GAS2: variants seen among roughly 807,000 people sequenced by gnomAD.
The protein encoded by GAS2 is growth arrest specific 2, also known as growth arrest-specific protein 2.
In GAS2, 20 loss-of-function variants were observed where a neutral mutation model predicts 37.5. The observed-to-expected ratio is 0.53, with a 90% CI of 0.37 to 0.77. The LOEUF (loss-of-function observed/expected upper bound fraction) is 0.77, where lower values mean the gene tolerates loss of function less well. Ranked by LOEUF, GAS2 falls within the 30% of genes least tolerant of loss-of-function variation. The pLI is 0.00. For synonymous variants in GAS2, 144 were observed against 132.2 expected, an observed-to-expected ratio of 1.09 and a Z score of -0.61; for missense variants, 336 against 373.4, an observed-to-expected ratio of 0.90 and a Z score of 0.82.
intron 3 of GAS2, among the ~76,000 whole-genome samples, chr11:22,694,694 A>T (rs58392543): frequency 0.039 from 5,920 of 152,214 alleles, 343 homozygotes; most frequent in African/African-American, 0.13. Context: ...AATCTAGCAA[A>T]CTTTAATAGG....
chr11:22,773,478 C>T (rs377536471), intron 7 of GAS2, among the ~76,000 whole-genome samples: 22 of 150,134 alleles, frequency 1.5e-4, no homozygotes, highest in African/African-American at 5.4e-4. Flanking sequence ...ACTGCAAGCT[C>T]CGCCTCCCGG....
intron 1 of GAS2, among the ~76,000 whole-genome samples, chr11:22,636,346 A>C (rs1858821014): frequency 6.6e-6 from 1 of 152,140 alleles, no homozygotes; most frequent in South Asian, 2.1e-4. Context: ...GCTTTCACAA[A>C]CAACCTACCT....
intron 3 of GAS2, among the ~76,000 whole-genome samples, chr11:22,715,130 A>T (rs1393877995): frequency 6.6e-6 from 1 of 152,234 alleles, no homozygotes; most frequent in African/African-American, 2.4e-5. Flanking sequence ...AGATTAACCA[A>T]GAAAAGAAGA....
chr11:22,781,683 TG>T (rs1855561590), intron 7 of GAS2, among the ~76,000 whole-genome samples: 1 of 152,146 alleles, frequency 6.6e-6, no homozygotes, highest in Admixed American at 6.5e-5. Context: ...AAAGATAATG[TG>T]GGTAAACTCC....
chr11:22,789,716 T>C (rs886207515), intron 7 of GAS2, among the ~76,000 whole-genome samples: 10 of 151,648 alleles, frequency 6.6e-5, no homozygotes, highest in African/African-American at 1.4e-4. Context: ...CCGCCCGCCT[T>C]GGCCTCCCAA....
At chr11:22,793,980 G>C (rs1051713841) in intron 7 of GAS2, among the ~76,000 whole-genome samples, 3 of 152,000 alleles carry the variant, frequency 2.0e-5, no homozygotes. Flanking sequence ...TGGGGGAGGG[G>C]AATAAGATCA....
chr11:22,752,498 A>G (rs897130893), intron 6 of GAS2, among the ~76,000 whole-genome samples: 3 of 152,040 alleles, frequency 2.0e-5, no homozygotes, highest in Non-Finnish European at 2.9e-5. Context: ...TGAGGCACAT[A>G]TAGCAGTTCG....
At chr11:22,780,709 C>T (rs1331800305) in intron 7 of GAS2, among the ~76,000 whole-genome samples, 2 of 151,944 alleles carry the variant, frequency 1.3e-5, no homozygotes, top group Admixed American at 1.3e-4. Flanking sequence ...CCCACAGACT[C>T]AGTTACTCCA....
At chr11:22,735,314 A>G (rs1852696154) in intron 4 of GAS2, among the ~76,000 whole-genome samples, 1 of 149,356 alleles carries the variant, frequency 6.7e-6, no homozygotes, top group African/African-American at 2.5e-5. Context: ...AATATTACAG[A>G]TGTGCTTTAA....
intron 3 of GAS2, among the ~76,000 whole-genome samples, chr11:22,713,237 G>A (rs1851499401): frequency 6.6e-6 from 1 of 151,556 alleles, no homozygotes; most frequent in Non-Finnish European, 1.5e-5. Context: ...TTCAACAATA[G>A]AATCAAACAA....
chr11:22,641,436 G>T (rs949246685), intron 1 of GAS2, among the ~76,000 whole-genome samples: 76 of 150,756 alleles, frequency 5.0e-4, no homozygotes, highest in African/African-American at 1.7e-3. Context: ...CCATGTTGGT[G>T]TGCTGCACCC....
At chr11:22,752,696 AAAC>A (rs1853809990) in intron 6 of GAS2, among the ~76,000 whole-genome samples, 1 of 151,890 alleles carries the variant, frequency 6.6e-6, no homozygotes, top group African/African-American at 2.4e-5. Context: ...AGGGAAAAAA[AAAC>A]AAGAAGAAGA....
intron 3 of GAS2, among the ~76,000 whole-genome samples, chr11:22,710,967 C>G (rs1181334951): frequency 6.6e-6 from 1 of 152,102 alleles, no homozygotes; most frequent in East Asian, 1.9e-4. Flanking sequence ...AGATAAGAGA[C>G]AGGACTAACA....
intron 1 of GAS2, among the ~76,000 whole-genome samples, chr11:22,629,369 AG>A (rs1186232012): frequency 2.0e-5 from 3 of 152,028 alleles, no homozygotes; most frequent in African/African-American, 7.2e-5. Flanking sequence ...CATTCTGGCC[AG>A]GGTAAGGTAG....
At chr11:22,679,239 C>A (rs75218193) in intron 2 of GAS2, among the ~76,000 whole-genome samples, 5,067 of 152,098 alleles carry the variant, frequency 0.033, 82 homozygotes, top group Middle Eastern at 0.079. Flanking sequence ...GACAGCAAAA[C>A]AGTCATGAAG....
At chr11:22,707,223 C>T (rs573646106) in intron 3 of GAS2, among the ~76,000 whole-genome samples, 6 of 152,072 alleles carry the variant, frequency 3.9e-5, no homozygotes, top group South Asian at 4.1e-4. Flanking sequence ...GGAAAGGCCA[C>T]GGAAGAGTAG....
intron 3 of GAS2, among the ~76,000 whole-genome samples, chr11:22,704,994 A>G (rs543900538): frequency 2.0e-4 from 30 of 152,270 alleles, no homozygotes; most frequent in African/African-American, 5.5e-4. Context: ...ACTTCGTGTC[A>G]TTCAGAGTAA....
chr11:22,690,876 C>T (rs1408053714), intron 3 of GAS2, among the ~76,000 whole-genome samples: 1 of 152,114 alleles, frequency 6.6e-6, no homozygotes, highest in Non-Finnish European at 1.5e-5. Context: ...CTCTCTTTCC[C>T]CCACCCCCAC....
intron 7 of GAS2, among the ~76,000 whole-genome samples, chr11:22,779,717 A>T (rs1264575392): frequency 6.6e-6 from 1 of 152,018 alleles, no homozygotes; most frequent in Non-Finnish European, 1.5e-5. Flanking sequence ...AAAAAACAAA[A>T]AAAAAAACCA....
Sources: allele counts gnomAD v4.1 joint callset (sites outside exome capture counted in the v4.1 genomes callset), GRCh38; gene constraint gnomAD v4.1.1; transcripts MANE v1.5; gene names NCBI Gene and HGNC (gene_info 2026-07-23, HGNC 2026-07-21).